KIF7: variants seen among roughly 807,000 people sequenced by gnomAD.
The protein encoded by KIF7 is kinesin family member 7, also known as kinesin-like protein KIF7.
A neutral mutation model predicts 135.7 loss-of-function variants in KIF7; 104 were observed. That is an observed-to-expected ratio of 0.77 (90% CI 0.65 to 0.90). The LOEUF is 0.90. Ranked by LOEUF, KIF7 falls within the 40% of genes least tolerant of loss-of-function variation. The probability of loss-of-function intolerance (pLI) is 0.00; values close to 1 mark genes in which losing one functional copy is unlikely to be tolerated. For synonymous variants in KIF7, 883 were observed against 809.4 expected, an observed-to-expected ratio of 1.09 and a Z score of -1.54; for missense variants, 2,005 against 1,839.1, an observed-to-expected ratio of 1.09 and a Z score of -1.65.
chr15:89,644,926 CATT>C (rs916307837), intron 10 of KIF7, 84 bp downstream of exon 10: 2 of 1,551,234 alleles, frequency 1.3e-6, no homozygotes, highest in Non-Finnish European at 1.8e-6. Flanking sequence ...CTAACCACCT[CATT>C]GTTGAAATCC....
At chr15:89,658,039 G>C (rs1447425143), upstream of KIF7, among the ~76,000 whole-genome samples, 1 of 152,226 alleles carries the variant, frequency 6.6e-6, no homozygotes, top group Non-Finnish European at 1.5e-5. Flanking sequence ...GTAGGGGAAA[G>C]CTATTCAATC....
chr15:89,647,080 C>T, intron 6 of KIF7, 23 bp from the exon 7 acceptor site: 1 of 1,553,742 alleles, frequency 6.4e-7, no homozygotes, highest in Middle Eastern at 1.7e-4. Context: ...GTCCAGGTGC[C>T]AAGGGGGCAT....
Position 89,649,373 on chromosome 15 carries a change from G to A in KIF7, c.530-6C>T, listed in dbSNP as rs527580359. 1.4e-6 allele frequency: 2 copies of A among 1,450,734 alleles called. No individual in the cohort carries two copies. The highest frequency in any genetic ancestry group is 1.5e-5 in the South Asian group (1 of 67,926). The allele number at this position is 1,450,734 out of a possible 1,614,324, so 89.9% of individuals were successfully genotyped here. ...CTCCTTCACCCCGCACAGCACTGCG[G>A]GCACAGAAGGCCGTGAGCCCCAGGG... On this transcript the variant is annotated splice_region_variant and splice_polypyrimidine_tract_variant and intron_variant, in intron 3 of 18. Coordinates refer to ENST00000394412, the MANE Select transcript of KIF7 (RefSeq NM_198525.3).
intron 1 of KIF7, among the ~76,000 whole-genome samples, chr15:89,622,246 A>G (rs999878640): frequency 3.9e-5 from 6 of 152,182 alleles, no homozygotes; most frequent in Admixed American, 6.5e-5. Context: ...TCAGCCTTCC[A>G]AAGTGCTGGG....
At chr15:89,623,455 C>T (rs569620931), downstream of KIF7, among the ~76,000 whole-genome samples, 20 of 152,346 alleles carry the variant, frequency 1.3e-4, no homozygotes, top group Non-Finnish European at 2.1e-4. Flanking sequence ...CAAGTAAAAT[C>T]TGAGTCATGT....
At chr15:89,651,680 A>C (rs1256587830) in intron 2 of KIF7, among the ~76,000 whole-genome samples, 1 of 152,202 alleles carries the variant, frequency 6.6e-6, no homozygotes, top group African/African-American at 2.4e-5. Context: ...TATCAAGTAC[A>C]TTTTATTTCG....
intron 2 of KIF7, among the ~76,000 whole-genome samples, chr15:89,651,436 G>A (rs904921541): frequency 3.9e-5 from 6 of 152,036 alleles, no homozygotes; most frequent in African/African-American, 1.4e-4. Context: ...GTTTTGCCAT[G>A]TTGGCTAGGC....
chr15:89,619,907 A>G, intron 1 of KIF7: 2 of 1,533,452 alleles, frequency 1.3e-6, no homozygotes, highest in Non-Finnish European at 8.8e-7. Flanking sequence ...TTTTTGGGAA[A>G]AGAAGCAAGA....
At position 89,633,726 on chromosome 15, in the gene KIF7, C is replaced by T. The variant is rs750613716; in HGVS notation, c.2552G>A (p.Arg851His). The change falls in exon 12 of 19, where the codon CGC (arginine) becomes CAC (histidine). Residue 851 changes from arginine (R) to histidine (H), a missense_variant. By Grantham distance (29) the Arg-to-His change is conservative. Transcript: ENST00000394412. The part of the protein sequence containing the change: ...RLREETEQKR[R>H]LEAEMSKRQH... ...CCGCTTGCTCATTTCTGCCTCCAGG[C>T]GCCGCTTCTGCTCCGTCTCCTCGCG... 48 of 1,608,424 alleles carry T rather than the reference C, an allele frequency of 3.0e-5. No individual in the cohort carries two copies. Among genetic ancestry groups the T allele is most frequent in the South Asian group, 1.3e-4 (12 of 91,026 alleles).
downstream of KIF7, chr15:89,624,815 C>G (rs1963488158): frequency 1.2e-6 from 2 of 1,614,170 alleles, no homozygotes; most frequent in African/African-American, 1.3e-5. Flanking sequence ...TCTTCTCTGT[C>G]TCACCCTGGG....
At chr15:89,638,019 C>T (rs1282248329) in intron 11 of KIF7, among the ~76,000 whole-genome samples, 9 of 108,556 alleles carry the variant, frequency 8.3e-5, no homozygotes, top group South Asian at 6.0e-4. Context: ...GTTCAATATA[C>T]GCAAATCAAT....
intron 1 of KIF7, among the ~76,000 whole-genome samples, chr15:89,618,392 G>A (rs184624289): frequency 1.3e-5 from 2 of 152,344 alleles, no homozygotes; most frequent in African/African-American, 4.8e-5. Flanking sequence ...GGTACTGAGA[G>A]AATTCTGGAA....
At chr15:89,657,196 C>G (rs1964215711), upstream of KIF7, among the ~76,000 whole-genome samples, 1 of 150,664 alleles carries the variant, frequency 6.6e-6, no homozygotes, top group Non-Finnish European at 1.5e-5. Context: ...GTCCCAGCTA[C>G]TTGGGAGGTT....
rs1211678329 is a variant in KIF7 at position 89,639,148 on chromosome 15, G to A, written c.2394+3055C>T. Among the ~76,000 whole-genome samples the A allele has an allele frequency of 2.0e-5, 3 of 152,062 alleles. No individual in the cohort carries two copies. In the East Asian group the frequency reaches 5.8e-4, roughly 29 times the overall value. ...CTTATACAAAAATCAATTCAAGATG[G>A]ATTAAAGACTTAAATGTTAGACCTA... is the stretch of plus-strand genomic sequence containing the variant. On this transcript the variant is annotated intron_variant, in intron 11 of 18. Coordinates refer to ENST00000394412, the MANE Select transcript of KIF7 (RefSeq NM_198525.3).
Position 89,618,260 on chromosome 15 carries a change from A to G in KIF7, c.181-65T>C, listed in dbSNP as rs768222367. The stretch of plus-strand genomic sequence containing the variant: ...TAATGCAATCTACCCAGCTTCTATG[A>G]AAACCTTTCTGTATGTATTGTTACT... On this transcript the variant is annotated intron_variant and NMD_transcript_variant, in intron 1 of 2. Coordinates refer to the KIF7 transcript ENST00000558928. The G allele has an allele frequency of 9.0e-6, 14 of 1,548,490 alleles. No individual in the cohort carries two copies. In the African/African-American group the frequency reaches 1.6e-4, roughly 18 times the overall value.
chr15:89,648,512 T>C lies in KIF7; in HGVS notation c.1186A>G (p.Thr396Ala). The change falls in exon 5 of 19, where the codon ACC becomes GCC. Residue 396 changes from threonine to alanine, a missense_variant. By Grantham distance (58) the Thr-to-Ala change is moderately conservative. Transcript: ENST00000394412. ...CGCATGGCGGCCGCCGCGGAGGCGG[T>C]GGCTGGGCCTGGGGCGCGCCGGCCG... ...HRGRRAPGPA[T>A]ASAAAAMRLG... is the part of the protein sequence containing the mutation. The C allele has an allele frequency of 1.0e-5, 11 of 1,075,736 alleles. No homozygotes were observed. Among genetic ancestry groups the C allele is most frequent in the Non-Finnish European group, 1.2e-5 (11 of 887,154 alleles). The allele number at this position is 1,075,736 out of a possible 1,614,324, so 66.6% of individuals were successfully genotyped here.
At position 89,646,845 on chromosome 15, in the gene KIF7, A is replaced by G. The variant is rs1964021556; in HGVS notation, c.1773T>C (p.Ser591=). 6.2e-7 allele frequency: 1 copy of G among 1,613,990 alleles called. No homozygotes were observed. Among genetic ancestry groups the G allele is most frequent in the Non-Finnish European group, 8.5e-7 (1 of 1,179,996 alleles). Residue 591 remains serine (S), a synonymous_variant, in exon 7 of 19, where the codon TCT becomes TCC. Transcript: ENST00000394412. ...PACLPGDEVG[S]EQRGEQVTNG... is the part of the protein sequence containing the mutation. ...CTCTTCTCACCTCTCCCCTCTGCTC[A>G]GAGCCAACTTCATCTCCAGGGAGGC...
Position 89,649,007 on chromosome 15 carries a change from C to T in KIF7, c.890G>A (p.Ser297Asn), listed in dbSNP as rs1964074960. The change falls in exon 4 of 19, where the codon AGC (serine) becomes AAC (asparagine). Residue 297 changes from serine (S) to asparagine (N), a missense_variant. Physicochemically the swap from Ser to Asn is conservative, Grantham distance 46. Transcript: ENST00000394412. ...SALGDPQRRG[S>N]HIPYRDSKIT... ...CTTGGAGTCGCGGTAGGGTATGTGG[C>T]TGCCCCGGCGCTGAGGGTCCCCCAG... 1 of 1,546,858 alleles carries T rather than the reference C, an allele frequency of 6.5e-7. No homozygotes were observed.
rs769211531 is a variant in KIF7, at chr15:89,628,795, G to C, written c.3665-9C>G. The C allele has an allele frequency of 1.9e-6, 3 of 1,611,562 alleles. No homozygotes were observed. Among genetic ancestry groups the C allele is most frequent in the Admixed American group, 1.7e-5 (1 of 59,994 alleles). ...GCTCCTCTTCTCCCCACCTGTCATG[G>C]AGAGTAACGTGTCCTCATCAGAAAC... On this transcript the variant is annotated splice_polypyrimidine_tract_variant and intron_variant, in intron 18 of 18. Transcript: ENST00000394412.
Sources: allele counts gnomAD v4.1 joint callset (sites outside exome capture counted in the v4.1 genomes callset), GRCh38; gene constraint gnomAD v4.1.1; transcripts MANE v1.5; gene names NCBI Gene and HGNC (gene_info 2026-07-23, HGNC 2026-07-21).